HTR5A: variants seen among roughly 807,000 people sequenced by gnomAD.
HTR5A encodes the protein 5-HT-5.
HTR5A carries 21 observed loss-of-function variants against 24.3 expected under a neutral mutation model. The ratio of observed to expected loss-of-function variants is 0.86; its 90% CI spans 0.61 to 1.24. HTR5A has a LOEUF of 1.24. Ranked by LOEUF, HTR5A falls within the 50% of genes most tolerant of loss-of-function variation. The pLI, the probability that HTR5A is intolerant of heterozygous loss-of-function variation, is 0.00. For synonymous variants in HTR5A, 260 were observed against 213.7 expected, an observed-to-expected ratio of 1.22 and a Z score of -1.89; for missense variants, 497 against 489.5, an observed-to-expected ratio of 1.02 and a Z score of -0.15.
At chr7:155,083,956 G>A (rs771802965) in intron 1 of HTR5A, among the ~76,000 whole-genome samples, 199 bp from the exon 2 acceptor site, 1 of 152,150 alleles carries the variant, frequency 6.6e-6, no homozygotes, top group African/African-American at 2.4e-5. Context: ...TCATTTCTAA[G>A]AGGTAAGCAA....
intron 1 of HTR5A, among the ~76,000 whole-genome samples, chr7:155,078,576 G>C (rs572775039): frequency 1.3e-5 from 2 of 152,256 alleles, no homozygotes; most frequent in East Asian, 3.9e-4. Context: ...GCCTCCCAAA[G>C]TGCTGGGATT....
intron 1 of HTR5A, among the ~76,000 whole-genome samples, chr7:155,072,358 C>T (rs1464452450): frequency 6.6e-6 from 1 of 152,140 alleles, no homozygotes. Flanking sequence ...CTGAGGACCA[C>T]TTGTCTGCCT....
At position 155,086,234 on chromosome 7, in the gene HTR5A, T is replaced by C. The variant is rs60190611; in HGVS notation, c.*1747T>C. Among the ~76,000 whole-genome samples the C allele has an allele frequency of 0.029, 4,470 of 152,268 alleles. 203 individuals carry two copies. Among genetic ancestry groups the C allele is most frequent in the African/African-American group, 0.1 (4,213 of 41,538 alleles). ...TTGAAAAACCTTATTAAGTACCCCA[T>C]GGCAGAGAAGAAAAATTCAGACATG... On this transcript the variant is annotated 3_prime_UTR_variant, in exon 2 of 2. Coordinates refer to ENST00000287907, the MANE Select transcript of HTR5A (RefSeq NM_024012.4).
chr7:155,070,971 C>T lies in HTR5A; in HGVS notation c.72C>T (p.Leu24=). The T allele has an allele frequency of 2.5e-6, 4 of 1,611,212 alleles. No homozygotes were observed. The highest frequency in any genetic ancestry group is 2.2e-5 in the East Asian group (1 of 44,866). Residue 24 remains leucine, a synonymous_variant, in exon 1 of 2, where the codon CTC becomes CTT. Transcript: ENST00000287907. ...TPSPLETNHS[L]GKDDLRPSSP... Reference sequence around the variant, plus strand: ...CCCCTTTGGAGACCAACCACAGCCTCGGCAAAGACGACCTGCGCCCCAGCT... The same window carrying T: ...CCCCTTTGGAGACCAACCACAGCCTTGGCAAAGACGACCTGCGCCCCAGCT...
intron 1 of HTR5A, among the ~76,000 whole-genome samples, chr7:155,075,434 G>A (rs1795350042): frequency 6.6e-6 from 1 of 152,236 alleles, no homozygotes. Context: ...GATGCTGAAG[G>A]ACTACCAGAT....
chr7:155,077,163 G>A (rs550634497), intron 1 of HTR5A: 2 of 152,162 alleles, frequency 1.3e-5, no homozygotes, highest in Non-Finnish European at 2.9e-5. Context: ...TCTCACGTCA[G>A]ATCAGGTATA....
chr7:155,083,497 C>T (rs913609198), intron 1 of HTR5A, among the ~76,000 whole-genome samples: 3 of 152,322 alleles, frequency 2.0e-5, no homozygotes, highest in Admixed American at 6.5e-5. Context: ...AGGAAGTGAA[C>T]TGGAGAGCCT....
chr7:155,084,709 C>A lies in HTR5A; in HGVS notation c.*222C>A. On this transcript the variant is annotated 3_prime_UTR_variant, in exon 2 of 2. Coordinates refer to ENST00000287907, the MANE Select transcript of HTR5A (RefSeq NM_024012.4). Reference sequence around the variant, plus strand: ...TGATGTATCTAACTTATCTACTATCCCTTTCTCTGTGCTGACAGTCATGGT... The same window carrying A: ...TGATGTATCTAACTTATCTACTATCACTTTCTCTGTGCTGACAGTCATGGT... 1 of 528,344 alleles carries A rather than the reference C, an allele frequency of 1.9e-6. No individual in the cohort carries two copies. Among genetic ancestry groups the A allele is most frequent in the Non-Finnish European group, 3.3e-6 (1 of 300,934 alleles). 32.7% of individuals were successfully genotyped at this position (528,344 alleles called of 1,614,324 possible).
intron 1 of HTR5A, among the ~76,000 whole-genome samples, chr7:155,080,137 ATGT>A: frequency 6.6e-6 from 1 of 152,250 alleles, no homozygotes; most frequent in African/African-American, 2.4e-5. Flanking sequence ...GACTTTGCAC[ATGT>A]AGACAACACA....
At chr7:155,073,903 A>ATGTG (rs10676343) in intron 1 of HTR5A, among the ~76,000 whole-genome samples, 1 of 128,386 alleles carries the variant, frequency 7.8e-6, no homozygotes, top group Non-Finnish European at 1.6e-5. Context: ...ATATATATAT[A>ATGTG]TATATATATA....
intron 1 of HTR5A, among the ~76,000 whole-genome samples, chr7:155,073,448 T>C (rs991897179): frequency 6.6e-6 from 1 of 151,812 alleles, no homozygotes; most frequent in Non-Finnish European, 1.5e-5. Flanking sequence ...CAGACCAAAA[T>C]GTCAATCGTA....
chr7:155,071,173 C>A lies in HTR5A; in HGVS notation c.274C>A (p.Leu92Met), dbSNP rs200720827. The A allele has an allele frequency of 6.2e-7, 1 of 1,602,972 alleles. No homozygotes were observed. The highest frequency in any genetic ancestry group is 2.2e-5 in the East Asian group (1 of 44,868). The change falls in exon 1 of 2, where the codon CTG (leucine) becomes ATG (methionine). Residue 92 changes from leucine to methionine, a missense_variant. Physicochemically the swap from Leu to Met is conservative, Grantham distance 15 (BLOSUM62 2). Transcript: ENST00000287907. ...CGTCTCGGATGTCCTGGTGGCCGCG[C>A]TGGTCATGCCGCTGAGCCTGGTGCA... The part of the protein sequence containing the change: ...MAVSDVLVAA[L>M]VMPLSLVHEL...
Position 155,071,655 on chromosome 7 carries a change from A to C in HTR5A, c.741+15A>C. The C allele has an allele frequency of 5.0e-6, 8 of 1,609,978 alleles. No homozygotes were observed. The highest frequency in any genetic ancestry group is 5.9e-6 in the Non-Finnish European group (7 of 1,178,080). On this transcript the variant is annotated intron_variant, in intron 1 of 1. Transcript: ENST00000287907. The stretch of plus-strand genomic sequence containing the variant: ...AAGCTGTGGAGGTGGGTATCTCAGC[A>C]ATCCTTAAAAATACTCGACTTGCAT...
In HTR5A at chr7:155,070,967, G is replaced by A. The variant is rs541133586; in HGVS notation, c.68G>A (p.Ser23Asn). 3.7e-6 allele frequency: 6 copies of A among 1,610,960 alleles called. No individual in the cohort carries two copies. Among genetic ancestry groups the A allele is most frequent in the Non-Finnish European group, 5.1e-6 (6 of 1,179,998 alleles). Residue 23 changes from serine (S) to asparagine (N), a missense_variant, in exon 1 of 2, where the codon AGC (serine) becomes AAC (asparagine). Coordinates refer to ENST00000287907, the MANE Select transcript of HTR5A (RefSeq NM_024012.4). ...STPSPLETNH[S>N]LGKDDLRPSS... ...CCCTCCCCTTTGGAGACCAACCACA[G>A]CCTCGGCAAAGACGACCTGCGCCCC...
intron 1 of HTR5A, among the ~76,000 whole-genome samples, chr7:155,082,778 AT>A (rs1201834610): frequency 6.6e-6 from 1 of 152,174 alleles, no homozygotes; most frequent in Non-Finnish European, 1.5e-5. Context: ...CTATAAATGA[AT>A]CCCCTCAAAT....
At position 155,070,708 on chromosome 7, in the gene HTR5A, G is replaced by T. The variant is rs1016411595; in HGVS notation, c.-192G>T. 6.3e-6 allele frequency: 4 copies of T among 636,178 alleles called. No homozygotes were observed. Among genetic ancestry groups the T allele is most frequent in the African/African-American group, 1.8e-5 (1 of 55,056 alleles). 39.4% of individuals were successfully genotyped at this position (636,178 alleles called of 1,614,324 possible). On this transcript the variant is annotated 5_prime_UTR_variant, in exon 1 of 2. Coordinates refer to ENST00000287907, the MANE Select transcript of HTR5A (RefSeq NM_024012.4). ...CCTCTGAGGGCTTCAGACCTGCCGC[G>T]CTTGCAGCCACACCATCTCCAACGG...
Position 155,070,533 on chromosome 7 carries a change from G to T in HTR5A, c.-367G>T. ...ACCAGCCCCTCTCCTGCACCCACAC[G>T]CTGCTGGCCGCCCAGCTTCTCCCCG... On this transcript the variant is annotated 5_prime_UTR_variant, in exon 1 of 2. Transcript: ENST00000287907. 1 of 359,188 alleles carries T rather than the reference G, an allele frequency of 2.8e-6. No homozygotes were observed. The highest frequency in any genetic ancestry group is 7.6e-5 in the East Asian group (1 of 13,158). The allele number at this position is 359,188 out of a possible 1,614,324, so 22.3% of individuals were successfully genotyped here.
At position 155,085,463 on chromosome 7, in the gene HTR5A, C is replaced by T. The variant is rs940366280; in HGVS notation, c.*976C>T. On this transcript the variant is annotated 3_prime_UTR_variant, in exon 2 of 2. Transcript: ENST00000287907. ...TTTAAGGGCATCCTTGATTAATTTGCTAATTGCTATTTTTTGTTGGTATGT... is the reference window on the plus strand; with the variant it reads ...TTTAAGGGCATCCTTGATTAATTTGTTAATTGCTATTTTTTGTTGGTATGT... The T allele has an allele frequency of 2.0e-5, 3 of 152,162 alleles. No individual in the cohort carries two copies. The highest frequency in any genetic ancestry group is 4.4e-5 in the Non-Finnish European group (3 of 68,036). 9.4% of individuals were successfully genotyped at this position (152,162 alleles called of 1,614,324 possible).
chr7:155,072,229 T>G (rs1196986107), intron 1 of HTR5A, among the ~76,000 whole-genome samples: 1 of 152,212 alleles, frequency 6.6e-6, no homozygotes. Flanking sequence ...CGTCCTGACG[T>G]AAGACTGAAG....
Sources: allele counts gnomAD v4.1 joint callset (sites outside exome capture counted in the v4.1 genomes callset), GRCh38; gene constraint gnomAD v4.1.1; transcripts MANE v1.5; gene names NCBI Gene and HGNC (gene_info 2026-07-23, HGNC 2026-07-21).